Variants in FARP2 observed in about 807,000 individuals in gnomAD.
FARP2 encodes FERM, ARH/RhoGEF and pleckstrin domain protein 2.
In FARP2, 111 loss-of-function variants were observed where a neutral mutation model predicts 130.5. The ratio of observed to expected loss-of-function variants is 0.85; its 90% confidence interval spans 0.73 to 1.00. The LOEUF (loss-of-function observed/expected upper bound fraction) is 1.00. Ranked by LOEUF, FARP2 falls within the 50% of genes least tolerant of loss-of-function variation. The pLI, the probability that FARP2 is intolerant of heterozygous loss-of-function variation, is 0.00. For synonymous variants in FARP2, 504 were observed against 516.9 expected (o/e 0.98, Z 0.34); for missense variants, 1,385 against 1,346.3 (o/e 1.03, Z -0.45).
chr2:241,371,484 C>CA (rs1172872418), intron 1 of FARP2, among the ~76,000 whole-genome samples: 1 of 151,940 alleles, frequency 6.6e-6, no homozygotes, highest in Non-Finnish European at 1.5e-5. Context: ...ACTCCGTCTC[C>CA]AAAAATAGCC....
chr2:241,403,957 C>T (rs772470721), intron 3 of FARP2, 25 bp downstream of exon 3: 8 of 1,362,942 alleles, frequency 5.9e-6, no homozygotes, highest in South Asian at 3.5e-5. Context: ...CGTGCCCAGG[C>T]GTGGAGCCTT....
rs777278068 is a variant in FARP2, at chr2:241,494,112, G to A, written c.3152G>A (p.Gly1051Glu). Residue 1051 changes from glycine (G) to glutamate (E), a missense_variant, in exon 27 of 27, where the codon GGG becomes GAG. Gly to Glu is a moderately conservative substitution (Grantham distance 98). Coordinates refer to ENST00000264042, the MANE Select transcript of FARP2 (RefSeq NM_014808.4). The surrounding 1 kb of genome is among the most constrained non-coding windows in gnomAD (Gnocchi z 4.9). Reference sequence around the variant, plus strand: ...TCAGGGCTGGAGGGGATGGTCAGGGGGAAGGAGGAATGACGCTCAACCTGC... The same window carrying A: ...TCAGGGCTGGAGGGGATGGTCAGGGAGAAGGAGGAATGACGCTCAACCTGC... The part of the protein sequence containing the change: ...PSSGLEGMVR[G>E]KEE 1 of 1,478,986 alleles carries A rather than the reference G, an allele frequency of 6.8e-7. No individual in the cohort carries two copies. Among genetic ancestry groups the A allele is most frequent in the South Asian group, 1.5e-5 (1 of 66,022 alleles). The allele number at this position is 1,478,986 out of a possible 1,614,324, so 91.6% of individuals were successfully genotyped here.
intron 1 of FARP2, among the ~76,000 whole-genome samples, chr2:241,356,858 G>C (rs3771547): frequency 0.16 from 24,115 of 152,306 alleles, 2,096 homozygotes; most frequent in Middle Eastern, 0.27. Context: ...GAGGCATTTT[G>C]AGCCGTTTGC....
Position 241,431,714 on chromosome 2 carries a change from G to A in FARP2, c.807G>A (p.Lys269=), listed in dbSNP as rs751367427. 12 of 1,603,262 alleles carry A rather than the reference G, an allele frequency of 7.5e-6. No individual in the cohort carries two copies. The highest frequency in any genetic ancestry group is 9.4e-6 in the Non-Finnish European group (11 of 1,172,534). Residue 269 remains lysine, a synonymous_variant, in exon 9 of 27, where the codon AAG becomes AAA. Coordinates refer to ENST00000264042, the MANE Select transcript of FARP2 (RefSeq NM_014808.4). ...AAATCAACACTTTCAACTGGTCCAA[G>A]GTCCGTAAACTAAGCTTCAAGAGGA... ...TTKINTFNWS[K]VRKLSFKRKR...
chr2:241,454,586 C>G (rs1372288562), intron 13 of FARP2, among the ~76,000 whole-genome samples: 1 of 152,202 alleles, frequency 6.6e-6, no homozygotes, highest in Non-Finnish European at 1.5e-5. Flanking sequence ...GTAATCCACG[C>G]TTCAGGGGCT....
At chr2:241,381,542 G>A (rs962157200) in intron 2 of FARP2, among the ~76,000 whole-genome samples, 1 of 152,138 alleles carries the variant, frequency 6.6e-6, no homozygotes, top group African/African-American at 2.4e-5. Flanking sequence ...CTTCTCCACA[G>A]CTGGAAGGTG....
chr2:241,403,868 A>G lies in FARP2; in HGVS notation c.224A>G (p.Lys75Arg). ...CAGGTATTACTGACACAAGTGTGGAAGCGTTTAAACCTGGTAGAATGTGAC... is the reference window on the plus strand; with the variant it reads ...CAGGTATTACTGACACAAGTGTGGAGGCGTTTAAACCTGGTAGAATGTGAC... ...DGQVLLTQVWKRLNLVECDYF... is the reference protein window; with the variant it reads ...DGQVLLTQVWRRLNLVECDYF... Residue 75 changes from lysine to arginine, a missense_variant, in exon 3 of 27, where the codon AAG (lysine) becomes AGG (arginine). Physicochemically the swap from Lys to Arg is conservative, Grantham distance 26 (BLOSUM62 2). Transcript: ENST00000264042. 6.2e-7 allele frequency: 1 copy of G among 1,613,806 alleles called. No homozygotes were observed.
At chr2:241,380,518 A>T (rs1320191476) in intron 2 of FARP2, among the ~76,000 whole-genome samples, 1 of 151,922 alleles carries the variant, frequency 6.6e-6, no homozygotes, top group East Asian at 1.9e-4. Context: ...AGAGTTTCAG[A>T]TTTTTTTCAG....
At chr2:241,365,374 A>C (rs1441066756) in intron 1 of FARP2, among the ~76,000 whole-genome samples, 1 of 152,148 alleles carries the variant, frequency 6.6e-6, no homozygotes. Flanking sequence ...TCTCTAAGAG[A>C]GGGACTTTTT....
intron 26 of FARP2, 75 bp from the exon 27 acceptor site, chr2:241,493,933 A>C (rs2018761): frequency 4.3e-6 from 4 of 922,292 alleles, no homozygotes; most frequent in Non-Finnish European, 6.2e-6. Context: ...TGCTTGTCCC[A>C]TATCCTGGGT....
chr2:241,396,095 G>A lies in FARP2; in HGVS notation c.184-7733G>A, dbSNP rs150663064. The A allele has an allele frequency of 2.6e-5, 4 of 152,022 alleles. 1 individual carries two copies. The highest frequency in any genetic ancestry group is 9.7e-5 in the African/African-American group (4 of 41,402). 9.4% of individuals were successfully genotyped at this position (152,022 alleles called of 1,614,324 possible). On this transcript the variant is annotated intron_variant, in intron 2 of 26. Coordinates refer to ENST00000264042, the MANE Select transcript of FARP2 (RefSeq NM_014808.4). Reference sequence around the variant, plus strand: ...ACAAGCAATGGGGAAAGGATTCCCTGTTTAATAAATGGTGCTGGGAAAACT... The same window carrying A: ...ACAAGCAATGGGGAAAGGATTCCCTATTTAATAAATGGTGCTGGGAAAACT...
At chr2:241,384,428 A>G (rs920952426) in intron 2 of FARP2, among the ~76,000 whole-genome samples, 1 of 152,204 alleles carries the variant, frequency 6.6e-6, no homozygotes, top group Non-Finnish European at 1.5e-5. Flanking sequence ...TCCTTGATCC[A>G]CAATCTTAAA....
chr2:241,433,957 G>A (rs1441921677), intron 9 of FARP2, among the ~76,000 whole-genome samples: 1 of 152,112 alleles, frequency 6.6e-6, no homozygotes, highest in East Asian at 1.9e-4. Flanking sequence ...GATTGTTTGA[G>A]CCTGGGAGGT....
At position 241,399,810 on chromosome 2, in the gene FARP2, G is replaced by A. The variant is rs143419272; in HGVS notation, c.184-4018G>A. On this transcript the variant is annotated intron_variant, in intron 2 of 26. Transcript: ENST00000264042. The stretch of plus-strand genomic sequence containing the variant: ...CCAAGCTTTATTGTTGTGCCTTTCC[G>A]TGATTCATATTGAATTAATTTTGTG... Among the ~76,000 whole-genome samples, 96 of 152,178 alleles carry A rather than the reference G, an allele frequency of 6.3e-4. 1 individual carries two copies. The highest frequency in any genetic ancestry group is 3.4e-3 in the Middle Eastern group (1 of 294).
intron 8 of FARP2, among the ~76,000 whole-genome samples, chr2:241,429,464 C>T (rs1463888006): frequency 6.6e-6 from 1 of 152,134 alleles, no homozygotes; most frequent in East Asian, 1.9e-4. Flanking sequence ...GGGCTCACTG[C>T]CTAGGTGAGA....
chr2:241,452,898 G>A (rs1470431772), intron 13 of FARP2, among the ~76,000 whole-genome samples: 1 of 151,376 alleles, frequency 6.6e-6, no homozygotes, highest in Non-Finnish European at 1.5e-5. Context: ...CCGAGATCAT[G>A]CCATTGCACT....
At chr2:241,425,619 TA>T (rs1300372655) in intron 8 of FARP2, among the ~76,000 whole-genome samples, 2 of 56,008 alleles carry the variant, frequency 3.6e-5, no homozygotes, top group Non-Finnish European at 6.5e-5. Flanking sequence ...ATTGAGGCAA[TA>T]ATATCCTACC....
chr2:241,447,960 G>A (rs898385180), intron 13 of FARP2, among the ~76,000 whole-genome samples: 1 of 152,180 alleles, frequency 6.6e-6, no homozygotes, highest in African/African-American at 2.4e-5. Flanking sequence ...TGCCCAGTGG[G>A]CAGGGTGCTC....
intron 12 of FARP2, among the ~76,000 whole-genome samples, chr2:241,439,329 A>AT (rs955664832): frequency 6.6e-6 from 1 of 150,404 alleles, no homozygotes; most frequent in Non-Finnish European, 1.5e-5. Flanking sequence ...CAAAGTTAGA[A>AT]TTTTTTTTTC....
Sources: allele counts gnomAD v4.1 joint callset (sites outside exome capture counted in the v4.1 genomes callset), GRCh38; gene constraint gnomAD v4.1.1; non-coding constraint Gnocchi (gnomAD v3.1); transcripts MANE v1.5; gene names NCBI Gene and HGNC (gene_info 2026-07-23, HGNC 2026-07-21).